Variants in FAM227B observed in about 807,000 individuals in gnomAD.
FAM227B encodes the protein family with sequence similarity 227 member B, also known as protein FAM227B.
FAM227B carries 88 observed loss-of-function variants against 73.8 expected under a neutral mutation model. The ratio of observed to expected loss-of-function variants is 1.19; its 90% CI spans 1.00 to 1.42. The LOEUF (loss-of-function observed/expected upper bound fraction) is 1.42. Among genes scored for constraint, FAM227B ranks in the 40% most tolerant of loss-of-function variants. The pLI is 0.00. For missense variants in FAM227B, 632 were observed against 590.9 expected (o/e 1.07, Z -0.72); for synonymous variants, 210 against 190.5 (o/e 1.10, Z -0.84).
intron 11 of FAM227B, among the ~76,000 whole-genome samples, chr15:49,385,143 G>T (rs972126048): frequency 6.6e-6 from 1 of 151,798 alleles, no homozygotes; most frequent in Non-Finnish European, 1.5e-5. Context: ...TCTTATCAGG[G>T]CAGGTTTTCT....
At chr15:49,550,537 C>T (rs2072806762) in intron 9 of FAM227B, among the ~76,000 whole-genome samples, 2 of 151,064 alleles carry the variant, frequency 1.3e-5, no homozygotes, top group South Asian at 4.2e-4. Context: ...GGGCGGCTGC[C>T]AGGCGGAGGG....
intron 13 of FAM227B, chr15:49,366,180 C>T: frequency 1.2e-6 from 1 of 833,312 alleles, no homozygotes; most frequent in South Asian, 1.3e-5. Context: ...ATAGTATAAT[C>T]AAAGTTAGGC....
chr15:49,605,248 A>T (rs901473278), intron 3 of FAM227B, among the ~76,000 whole-genome samples: 1 of 152,124 alleles, frequency 6.6e-6, no homozygotes, highest in Non-Finnish European at 1.5e-5. Flanking sequence ...TTGTCAGGTA[A>T]GCTGACTTGG....
chr15:49,498,049 A>C (rs557788165), intron 11 of FAM227B, among the ~76,000 whole-genome samples: 1 of 152,354 alleles, frequency 6.6e-6, no homozygotes, highest in East Asian at 1.9e-4. Flanking sequence ...CCAGGAAAAG[A>C]CCTAAAAACT....
intron 10 of FAM227B, among the ~76,000 whole-genome samples, chr15:49,525,785 A>C (rs1226316904): frequency 7.9e-6 from 1 of 127,314 alleles, no homozygotes; most frequent in Non-Finnish European, 1.6e-5. Context: ...ACTTTAAAAC[A>C]ACAATGGTAA....
At chr15:49,539,840 G>C (rs903315727) in intron 10 of FAM227B, among the ~76,000 whole-genome samples, 1 of 152,206 alleles carries the variant, frequency 6.6e-6, no homozygotes, top group Non-Finnish European at 1.5e-5. Flanking sequence ...GACATGTGTG[G>C]AGTAAAAGTG....
chr15:49,454,920 T>G (rs976975838), intron 11 of FAM227B, among the ~76,000 whole-genome samples: 20 of 152,282 alleles, frequency 1.3e-4, no homozygotes, highest in African/African-American at 4.6e-4. Flanking sequence ...TAATATATTC[T>G]TAAAGCACTC....
At chr15:49,551,183 G>A (rs1396768763) in intron 9 of FAM227B, among the ~76,000 whole-genome samples, 1 of 152,240 alleles carries the variant, frequency 6.6e-6, no homozygotes, top group African/African-American at 2.4e-5. Flanking sequence ...TCGGCAGGCT[G>A]AGGCAGGAGA....
chr15:49,596,425 C>T (rs2076887000), intron 3 of FAM227B, among the ~76,000 whole-genome samples: 1 of 151,824 alleles, frequency 6.6e-6, no homozygotes, highest in Admixed American at 6.6e-5. Context: ...AGAGAGACTA[C>T]CAAGCCAGCA....
Position 49,357,307 on chromosome 15 carries a change from G to C in FAM227B, c.1271+10141C>G, listed in dbSNP as rs1197695777. On this transcript the variant is annotated intron_variant, in intron 13 of 15. Transcript: ENST00000299338. ...TAGTGAATCCAGGAGCTGGTTTTTTGAAAGGATCAACAAAATTGATAGACC... is the reference window on the plus strand; with the variant it reads ...TAGTGAATCCAGGAGCTGGTTTTTTCAAAGGATCAACAAAATTGATAGACC... Among the ~76,000 whole-genome samples, 67 of 150,614 alleles carry C rather than the reference G, an allele frequency of 4.4e-4. 2 individuals carry two copies. In the South Asian group the frequency reaches 0.012, roughly 27 times the overall value.
chr15:49,588,536 C>T (rs1598406374), intron 4 of FAM227B, among the ~76,000 whole-genome samples: 3 of 84,332 alleles, frequency 3.6e-5, no homozygotes, highest in African/African-American at 1.3e-4. Context: ...CTGATATCTA[C>T]ATATTGAGGA....
intron 11 of FAM227B, among the ~76,000 whole-genome samples, chr15:49,386,469 CAA>C (rs2046891799): frequency 6.6e-6 from 1 of 151,556 alleles, no homozygotes; most frequent in Non-Finnish European, 1.5e-5. Flanking sequence ...GATAATGACC[CAA>C]GTTATCAAAA....
intron 13 of FAM227B, among the ~76,000 whole-genome samples, chr15:49,358,297 G>C (rs944107373): frequency 7.9e-6 from 1 of 126,098 alleles, no homozygotes; most frequent in African/African-American, 3.0e-5. Flanking sequence ...AAGTCAAATT[G>C]TCCCTGTTTG....
At chr15:49,386,132 C>T (rs2046869369) in intron 11 of FAM227B, among the ~76,000 whole-genome samples, 1 of 151,718 alleles carries the variant, frequency 6.6e-6, no homozygotes, top group Non-Finnish European at 1.5e-5. Context: ...ACTTAAATGA[C>T]ATGCTAGAAC....
At chr15:49,361,210 A>C (rs1348343168) in intron 13 of FAM227B, among the ~76,000 whole-genome samples, 1 of 152,190 alleles carries the variant, frequency 6.6e-6, no homozygotes, top group Non-Finnish European at 1.5e-5. Flanking sequence ...AAATTAATTT[A>C]AAAAACTTAA....
chr15:49,613,334 C>T lies in FAM227B; in HGVS notation c.51+1787G>A, dbSNP rs143382852. On this transcript the variant is annotated intron_variant, in intron 2 of 15. Coordinates refer to ENST00000299338, the MANE Select transcript of FAM227B (RefSeq NM_152647.3). ...GTACAAGAGACCAGCCTGGCCAACA[C>T]GGTAAAACCCCAGTCTCTTATAAAA... Among the ~76,000 whole-genome samples, 321 of 152,170 alleles carry T rather than the reference C, an allele frequency of 2.1e-3. 2 individuals are homozygous for T. Among genetic ancestry groups the T allele is most frequent in the African/African-American group, 7.2e-3 (301 of 41,530 alleles).
At chr15:49,366,973 T>C (rs2045326093) in intron 13 of FAM227B, among the ~76,000 whole-genome samples, 1 of 152,146 alleles carries the variant, frequency 6.6e-6, no homozygotes. Flanking sequence ...ACCAAAGAGC[T>C]CCGATTTTAA....
chr15:49,459,271 G>C (rs956959202), intron 11 of FAM227B, among the ~76,000 whole-genome samples: 1 of 152,128 alleles, frequency 6.6e-6, no homozygotes, highest in African/African-American at 2.4e-5. Context: ...GGAGGAGTAG[G>C]CTCCCAATAG....
chr15:49,508,069 C>G (rs1346393304), intron 11 of FAM227B, 142 bp downstream of exon 11: 1 of 780,568 alleles, frequency 1.3e-6, no homozygotes, highest in African/African-American at 1.8e-5. Flanking sequence ...AAGTGTGTAC[C>G]ACTATAACAT....
Sources: allele counts gnomAD v4.1 joint callset (sites outside exome capture counted in the v4.1 genomes callset), GRCh38; gene constraint gnomAD v4.1.1; transcripts MANE v1.5; gene names NCBI Gene and HGNC (gene_info 2026-07-23, HGNC 2026-07-21).